The following AHI1 variants were observed in gnomAD, a reference collection of about 807,000 sequenced individuals.
AHI1 encodes jouberin.
In AHI1, 123 loss-of-function variants were observed where a neutral mutation model predicts 149.3. That is an observed-to-expected ratio of 0.82 (90% CI 0.71 to 0.96). The LOEUF is 0.96. AHI1 is among the 40% of genes least tolerant of loss of function. The probability of loss-of-function intolerance (pLI) is 0.00; values close to 1 mark genes in which losing one functional copy is unlikely to be tolerated. For synonymous variants in AHI1, 475 were observed against 459.8 expected, an observed-to-expected ratio of 1.03 and a Z score of -0.42; for missense variants, 1,439 against 1,422.7, an observed-to-expected ratio of 1.01 and a Z score of -0.18.
In AHI1 at chr6:135,285,486, T is replaced by C. The variant is rs1781569560; in HGVS notation, c.*159A>G. ...CACGTTGATTTTTCCACCCACAACT[T>C]GATTCTGATTTTTCTAGAGTCATTC... On this transcript the variant is annotated 3_prime_UTR_variant, in exon 29 of 29. Transcript: ENST00000265602. 1 of 781,458 alleles carries C rather than the reference T, an allele frequency of 1.3e-6. No homozygotes were observed. Among genetic ancestry groups the C allele is most frequent in the Admixed American group, 2.3e-5 (1 of 43,342 alleles). 48.4% of individuals were successfully genotyped at this position (781,458 alleles called of 1,614,324 possible).
intron 23 of AHI1, among the ~76,000 whole-genome samples, chr6:135,375,101 G>T (rs959526615): frequency 2.0e-5 from 3 of 152,132 alleles, no homozygotes; most frequent in African/African-American, 4.8e-5. Context: ...TAACTCTATT[G>T]TAAGTCGAGG....
In AHI1 at chr6:135,429,980, A is replaced by AT; in HGVS notation, c.2393_2394insA (p.Phe798LeufsTer2). On this transcript the variant is annotated frameshift_variant, in exon 18 of 29. Coordinates refer to ENST00000265602, the MANE Select transcript of AHI1 (RefSeq NM_001134831.2). LOFTEE classifies it high-confidence loss of function. ...CCAAATAACTTATTGGAATTCCCTT[A>AT]AACTCAGTTTCTTTAATTTCCTAAA... The AT allele has an allele frequency of 6.4e-7, 1 of 1,567,878 alleles. No individual in the cohort carries two copies. Among genetic ancestry groups the AT allele is most frequent in the Non-Finnish European group, 8.7e-7 (1 of 1,153,202 alleles).
At chr6:135,392,868 A>C (rs1393336578) in intron 23 of AHI1, among the ~76,000 whole-genome samples, 1 of 152,154 alleles carries the variant, frequency 6.6e-6, no homozygotes, top group East Asian at 1.9e-4. Flanking sequence ...CTGGTTCCTA[A>C]GGCAGGATTT....
intron 5 of AHI1, among the ~76,000 whole-genome samples, chr6:135,480,115 G>C (rs922015986): frequency 2.6e-5 from 4 of 152,264 alleles, no homozygotes; most frequent in African/African-American, 7.2e-5. Context: ...ATAGCAGTGA[G>C]AGCAGACTAA....
chr6:135,405,731 G>A lies in AHI1; in HGVS notation c.2962-754C>T, dbSNP rs143052722. On this transcript the variant is annotated intron_variant, in intron 21 of 28. Transcript: ENST00000265602. ...AAAAATCAGCTAGGCGTTGTGGCGCGTACCTGTAGTCCCAGCTACTCGGGA... is the reference window on the plus strand; with the variant it reads ...AAAAATCAGCTAGGCGTTGTGGCGCATACCTGTAGTCCCAGCTACTCGGGA... 2.0e-3 allele frequency among the ~76,000 whole-genome samples: 311 copies of A among 151,708 alleles called. 1 individual carries two copies. The highest frequency in any genetic ancestry group is 7.2e-3 in the African/African-American group (296 of 41,362).
chr6:135,412,698 GA>G (rs1185714271), intron 20 of AHI1, among the ~76,000 whole-genome samples: 1 of 152,050 alleles, frequency 6.6e-6, no homozygotes, highest in Admixed American at 6.6e-5. Flanking sequence ...ATACAAAGGA[GA>G]AAAAATATAT....
At chr6:135,336,064 G>C (rs1005130273) in intron 24 of AHI1, among the ~76,000 whole-genome samples, 3 of 135,300 alleles carry the variant, frequency 2.2e-5, no homozygotes, top group African/African-American at 8.5e-5. Flanking sequence ...AGTGAGCCAA[G>C]ATCGCACCAC....
intron 20 of AHI1, among the ~76,000 whole-genome samples, chr6:135,415,951 T>C (rs988691137): frequency 6.6e-6 from 1 of 152,044 alleles, no homozygotes; most frequent in Non-Finnish European, 1.5e-5. Context: ...TTCTGGAAAA[T>C]GCAAACTAAT....
At chr6:135,321,034 G>T (rs892134461) in intron 25 of AHI1, among the ~76,000 whole-genome samples, 1 of 152,060 alleles carries the variant, frequency 6.6e-6, no homozygotes, top group African/African-American at 2.4e-5. Context: ...CTTTCATACG[G>T]CCTATGTTTT....
intron 23 of AHI1, among the ~76,000 whole-genome samples, chr6:135,392,039 C>T (rs1396812973): frequency 6.6e-6 from 1 of 152,150 alleles, no homozygotes; most frequent in Non-Finnish European, 1.5e-5. Flanking sequence ...CATTGGAACA[C>T]ATAAAGTTTG....
At chr6:135,353,131 A>C (rs926450353) in intron 24 of AHI1, among the ~76,000 whole-genome samples, 1 of 152,148 alleles carries the variant, frequency 6.6e-6, no homozygotes, top group African/African-American at 2.4e-5. Context: ...AAATAAACTG[A>C]TGTGCTTATA....
intron 24 of AHI1, among the ~76,000 whole-genome samples, chr6:135,326,604 A>G (rs2128390088): frequency 6.6e-6 from 1 of 151,350 alleles, no homozygotes; most frequent in South Asian, 2.1e-4. Flanking sequence ...TCTCTTGCCC[A>G]GGCTGGAGTG....
rs141815278 is a variant in AHI1, at chr6:135,397,126, C to T, written c.2989-2230G>A. On this transcript the variant is annotated intron_variant, in intron 22 of 28. Coordinates refer to ENST00000265602, the MANE Select transcript of AHI1 (RefSeq NM_001134831.2). ...GTCCATAAAGTGATGAGAGCAGCAA[C>T]GTAACAGAGCAGATAATTTCTAAAG... 2.9e-3 allele frequency among the ~76,000 whole-genome samples: 446 copies of T among 151,824 alleles called. 6 individuals are homozygous for T. Among genetic ancestry groups the T allele is most frequent in the Middle Eastern group, 0.014 (4 of 294 alleles).
intron 5 of AHI1, among the ~76,000 whole-genome samples, chr6:135,486,724 T>C (rs1794531299): frequency 6.6e-6 from 1 of 152,164 alleles, no homozygotes; most frequent in South Asian, 2.1e-4. Context: ...TTTTGTTTAA[T>C]GTGTGAATCT....
chr6:135,475,900 C>T (rs1792546003), intron 5 of AHI1, among the ~76,000 whole-genome samples: 1 of 152,184 alleles, frequency 6.6e-6, no homozygotes, highest in African/African-American at 2.4e-5. Context: ...AAACCCCCAA[C>T]ACATATGATA....
At chr6:135,375,493 A>G (rs1424112954) in intron 23 of AHI1, among the ~76,000 whole-genome samples, 1 of 152,224 alleles carries the variant, frequency 6.6e-6, no homozygotes, top group Non-Finnish European at 1.5e-5. Flanking sequence ...TTTCATATAC[A>G]TGGTGTTGGG....
chr6:135,297,399 C>T (rs185510408), intron 27 of AHI1: 43 of 455,800 alleles, frequency 9.4e-5, no homozygotes, highest in Middle Eastern at 3.3e-4. Context: ...TCCAAATGCC[C>T]TCCCATGAGG....
At chr6:135,296,956 T>C (rs1206696351) in intron 27 of AHI1, among the ~76,000 whole-genome samples, 1 of 152,208 alleles carries the variant, frequency 6.6e-6, no homozygotes, top group African/African-American at 2.4e-5. Flanking sequence ...TATCATATCA[T>C]TCATCACTGC....
intron 5 of AHI1, among the ~76,000 whole-genome samples, chr6:135,468,483 C>A (rs1791164809): frequency 6.6e-6 from 1 of 152,012 alleles, no homozygotes; most frequent in African/African-American, 2.4e-5. Flanking sequence ...GTGGGTGGAT[C>A]ACATGAGGTC....
Sources: gnomAD v4.1 joint callset for allele counts (sites outside exome capture counted in the v4.1 genomes callset) on GRCh38, gnomAD v4.1.1 for gene constraint, MANE v1.5 for transcripts, NCBI Gene and HGNC (gene_info 2026-07-23, HGNC 2026-07-21) for gene names.